Variants in FAF1 observed in about 807,000 individuals in gnomAD.
FAF1 encodes the protein FAS-associated factor 1.
In FAF1, 25 loss-of-function variants were observed where a neutral mutation model predicts 92.5. The observed-to-expected ratio is 0.27, with a 90% CI of 0.20 to 0.38. FAF1 has a LOEUF of 0.38. Ranked by LOEUF, FAF1 falls within the 10% of genes least tolerant of loss-of-function variation. FAF1 has a pLI of 1.00. For synonymous variants in FAF1, 234 were observed against 273.2 expected (o/e 0.86, Z 1.42); for missense variants, 636 against 793.3 (o/e 0.80, Z 2.38).
chr1:50,741,466 T>C (rs1356080462), intron 5 of FAF1, among the ~76,000 whole-genome samples: 3 of 152,226 alleles, frequency 2.0e-5, no homozygotes, highest in Non-Finnish European at 2.9e-5. Context: ...AAAAAAGCTA[T>C]GTTTTAATGG....
At chr1:50,531,838 C>T (rs149336966) in intron 15 of FAF1, among the ~76,000 whole-genome samples, 1 of 152,124 alleles carries the variant, frequency 6.6e-6, no homozygotes, top group East Asian at 1.9e-4. Flanking sequence ...GTTTATTTAA[C>T]AAAAGTTTTA....
Position 50,642,877 on chromosome 1 carries a change from G to A in FAF1, c.744+12565C>T, listed in dbSNP as rs190664805. On this transcript the variant is annotated intron_variant, in intron 8 of 18. Transcript: ENST00000396153. Reference sequence around the variant, plus strand: ...GTTGTTTGAGACAGAGTCTCATTCTGTTGCCCAGGTTAGAGTTCAATGGCA... The same window carrying A: ...GTTGTTTGAGACAGAGTCTCATTCTATTGCCCAGGTTAGAGTTCAATGGCA... 1.6e-3 allele frequency among the ~76,000 whole-genome samples: 236 copies of A among 151,958 alleles called. 1 individual carries two copies. The highest frequency in any genetic ancestry group is 5.5e-3 in the African/African-American group (228 of 41,450).
chr1:50,589,621 G>T (rs976700612), intron 9 of FAF1, among the ~76,000 whole-genome samples: 4 of 152,270 alleles, frequency 2.6e-5, no homozygotes, highest in Non-Finnish European at 5.9e-5. Context: ...CTCCCATTCT[G>T]TGGGTTGCCT....
chr1:50,480,388 AAAC>A (rs1234556927), intron 17 of FAF1, among the ~76,000 whole-genome samples: 2 of 152,220 alleles, frequency 1.3e-5, no homozygotes, highest in African/African-American at 4.8e-5. Flanking sequence ...TATACACACA[AAAC>A]AACCTCTAGG....
chr1:50,941,315 T>A (rs1265533126), intron 1 of FAF1, among the ~76,000 whole-genome samples: 2 of 152,186 alleles, frequency 1.3e-5, no homozygotes, highest in East Asian at 3.8e-4. Context: ...GTTCAAGCGA[T>A]TCTCGTGTCT....
chr1:50,920,900 C>T lies in FAF1; in HGVS notation c.45+38867G>A, dbSNP rs1293577027. 6.6e-5 allele frequency among the ~76,000 whole-genome samples: 10 copies of T among 152,058 alleles called. No homozygotes were observed. In the East Asian group the frequency reaches 1.9e-3, roughly 29 times the overall value. ...TGCTGTCACCACTTCTATTCAACCT[C>T]TATTGTACTAGAGGTCCTATCACAG... On this transcript the variant is annotated intron_variant, in intron 1 of 18. Coordinates refer to ENST00000396153, the MANE Select transcript of FAF1 (RefSeq NM_007051.3).
chr1:50,452,188 TG>T, intron 18 of FAF1: 1 of 1,323,092 alleles, frequency 7.6e-7, no homozygotes, highest in East Asian at 4.6e-5. Context: ...TGGAAAGTCC[TG>T]GAATCTGGAA....
intron 2 of FAF1, among the ~76,000 whole-genome samples, chr1:50,856,526 A>C (rs1644391557): frequency 6.6e-6 from 1 of 151,770 alleles, no homozygotes; most frequent in Non-Finnish European, 1.5e-5. Flanking sequence ...AAGTACCAAA[A>C]CACAAAAAAG....
intron 1 of FAF1, among the ~76,000 whole-genome samples, chr1:50,891,043 G>A (rs1400976508): frequency 1.3e-5 from 2 of 152,108 alleles, no homozygotes; most frequent in Non-Finnish European, 2.9e-5. Flanking sequence ...ATATTTCTTG[G>A]AGACTTTGTT....
intron 8 of FAF1, among the ~76,000 whole-genome samples, chr1:50,602,946 A>G (rs893709348): frequency 6.6e-6 from 1 of 152,168 alleles, no homozygotes; most frequent in Non-Finnish European, 1.5e-5. Context: ...TACCCCACTT[A>G]ATTCTCACAA....
At chr1:50,708,521 CA>C (rs34228195) in intron 6 of FAF1, among the ~76,000 whole-genome samples, 10,529 of 133,244 alleles carry the variant, frequency 0.079, 450 homozygotes, top group East Asian at 0.15. Context: ...ATTAGACAGT[CA>C]AAAAAAAAAA....
intron 2 of FAF1, among the ~76,000 whole-genome samples, chr1:50,803,574 T>G (rs1662080726): frequency 6.6e-6 from 1 of 152,136 alleles, no homozygotes; most frequent in Non-Finnish European, 1.5e-5. Context: ...TCAATAATTA[T>G]TTATTAAAGG....
At chr1:50,820,347 T>C (rs530433937) in intron 2 of FAF1, among the ~76,000 whole-genome samples, 1 of 152,284 alleles carries the variant, frequency 6.6e-6, no homozygotes, top group South Asian at 2.1e-4. Context: ...TAATGGGGTA[T>C]AACTGACAAA....
chr1:50,660,500 CTTT>C (rs796515667), intron 7 of FAF1, among the ~76,000 whole-genome samples: 1 of 144,384 alleles, frequency 6.9e-6, no homozygotes, highest in African/African-American at 2.5e-5. Context: ...AGATTTCTTT[CTTT>C]TTTTTTTTTT....
chr1:50,568,449 T>C (rs951011695), intron 12 of FAF1, among the ~76,000 whole-genome samples: 3 of 152,078 alleles, frequency 2.0e-5, no homozygotes, highest in Admixed American at 2.0e-4. Flanking sequence ...ATCCAAATAA[T>C]AGTAATAGTA....
At chr1:50,685,759 A>G (rs1398035756) in intron 7 of FAF1, among the ~76,000 whole-genome samples, 1 of 152,132 alleles carries the variant, frequency 6.6e-6, no homozygotes, top group Non-Finnish European at 1.5e-5. Flanking sequence ...AAAGTATAAA[A>G]CATTAACTCA....
chr1:50,688,951 A>T (rs1443091263), intron 7 of FAF1, among the ~76,000 whole-genome samples: 1 of 152,244 alleles, frequency 6.6e-6, no homozygotes, highest in Non-Finnish European at 1.5e-5. Flanking sequence ...ATTCCACTTT[A>T]TGAAGTAACT....
intron 15 of FAF1, among the ~76,000 whole-genome samples, chr1:50,529,838 A>C (rs1202652694): frequency 6.6e-6 from 1 of 152,204 alleles, no homozygotes; most frequent in Non-Finnish European, 1.5e-5. Context: ...AGTGTCTGGT[A>C]TACACTAAAA....
At chr1:50,556,241 A>G (rs1281448463) in intron 13 of FAF1, among the ~76,000 whole-genome samples, 2 of 147,128 alleles carry the variant, frequency 1.4e-5, no homozygotes, top group Admixed American at 1.4e-4. Context: ...CCATCTCCAA[A>G]AAAAAAAAAA....
Sources: gnomAD v4.1 joint callset for allele counts (sites outside exome capture counted in the v4.1 genomes callset) on GRCh38, gnomAD v4.1.1 for gene constraint, MANE v1.5 for transcripts, NCBI Gene and HGNC (gene_info 2026-07-23, HGNC 2026-07-21) for gene names.